CORIN: variants seen among roughly 807,000 people sequenced by gnomAD.
CORIN encodes corin, serine peptidase.
CORIN carries 117 observed loss-of-function variants against 125.3 expected under a neutral mutation model. The ratio of observed to expected loss-of-function variants is 0.93; its 90% CI spans 0.80 to 1.09. The LOEUF is 1.09. Ranked by LOEUF, CORIN falls within the 50% of genes least tolerant of loss-of-function variation. The pLI, the probability that CORIN is intolerant of heterozygous loss-of-function variation, is 0.00. For missense variants in CORIN, 1,253 were observed against 1,306.7 expected (o/e 0.96, Z 0.63); for synonymous variants, 450 against 466.4 (o/e 0.96, Z 0.45).
intron 5 of CORIN, among the ~76,000 whole-genome samples, chr4:47,702,339 A>T (rs115400996): frequency 0.016 from 2,431 of 152,288 alleles, 75 homozygotes; most frequent in African/African-American, 0.055. Context: ...AAAGGAGATA[A>T]ATTTTATTTG....
intron 1 of CORIN, among the ~76,000 whole-genome samples, chr4:47,833,457 A>G (rs1408326087): frequency 2.6e-5 from 4 of 151,990 alleles, no homozygotes; most frequent in Non-Finnish European, 4.4e-5. Flanking sequence ...GAAAGAAAAC[A>G]TAAAGGAAAA....
At chr4:47,674,099 G>A (rs144982923) in intron 10 of CORIN, among the ~76,000 whole-genome samples, 1 of 152,330 alleles carries the variant, frequency 6.6e-6, no homozygotes, top group East Asian at 1.9e-4. Flanking sequence ...TCTGCCTACA[G>A]ATGGAGCCAA....
rs183910895 is a variant in CORIN at position 47,821,401 on chromosome 4, A to T, written c.64-14354T>A. On this transcript the variant is annotated intron_variant, in intron 1 of 21. Coordinates refer to ENST00000273857, the MANE Select transcript of CORIN (RefSeq NM_006587.4). The stretch of plus-strand genomic sequence containing the variant: ...ATATATATATAATATTAGAATTATT[A>T]TTTCAGTCATAATCAAATAATTTAC... Among the ~76,000 whole-genome samples the T allele has an allele frequency of 6.0e-3, 903 of 150,978 alleles. 7 individuals carry two copies. Among genetic ancestry groups the T allele is most frequent in the African/African-American group, 0.02 (824 of 41,370 alleles).
At chr4:47,630,153 C>T (rs894742802) in intron 16 of CORIN, among the ~76,000 whole-genome samples, 2 of 152,094 alleles carry the variant, frequency 1.3e-5, no homozygotes, top group East Asian at 1.9e-4. Flanking sequence ...CATTCACCTT[C>T]GCCTACATGC....
At chr4:47,759,530 C>T (rs1416577857) in intron 4 of CORIN, among the ~76,000 whole-genome samples, 1 of 152,052 alleles carries the variant, frequency 6.6e-6, no homozygotes, top group African/African-American at 2.4e-5. Context: ...AAACAAATCA[C>T]CTGATGACAA....
intron 3 of CORIN, among the ~76,000 whole-genome samples, chr4:47,767,093 G>A (rs1729792056): frequency 6.6e-6 from 1 of 152,246 alleles, no homozygotes; most frequent in South Asian, 2.1e-4. Flanking sequence ...ATGGAGAGGG[G>A]CTTCCATCAG....
intron 1 of CORIN, among the ~76,000 whole-genome samples, chr4:47,825,342 T>C (rs1270934389): frequency 6.6e-6 from 1 of 152,154 alleles, no homozygotes; most frequent in Non-Finnish European, 1.5e-5. Flanking sequence ...CTGCCGGGCT[T>C]TCCCACACCA....
chr4:47,618,448 G>A (rs956287491), intron 19 of CORIN, among the ~76,000 whole-genome samples: 2 of 152,052 alleles, frequency 1.3e-5, no homozygotes, highest in African/African-American at 4.8e-5. Context: ...AATCTAGGGA[G>A]GAAGAAGTCT....
chr4:47,791,961 T>G (rs1418847398), intron 2 of CORIN, among the ~76,000 whole-genome samples: 1 of 152,072 alleles, frequency 6.6e-6, no homozygotes, highest in Non-Finnish European at 1.5e-5. Context: ...ATGGTACAAG[T>G]GCTTTGAGAA....
intron 5 of CORIN, among the ~76,000 whole-genome samples, chr4:47,708,760 G>A (rs764424784): frequency 1.1e-4 from 17 of 152,082 alleles, no homozygotes; most frequent in Non-Finnish European, 1.9e-4. Context: ...TTCTCTAGTC[G>A]AAATCTTTGG....
chr4:47,627,840 A>C (rs1204223562), intron 16 of CORIN, among the ~76,000 whole-genome samples: 1 of 152,176 alleles, frequency 6.6e-6, no homozygotes, highest in Admixed American at 6.5e-5. Flanking sequence ...GTCATTCTTA[A>C]ATCAGGTATT....
intron 21 of CORIN, among the ~76,000 whole-genome samples, chr4:47,598,640 T>C (rs970897287): frequency 2.6e-5 from 4 of 152,212 alleles, no homozygotes; most frequent in Non-Finnish European, 5.9e-5. Context: ...AATGTAGTTA[T>C]ATTAATCATT....
intron 10 of CORIN, among the ~76,000 whole-genome samples, chr4:47,666,644 G>T (rs748391212): frequency 6.6e-5 from 10 of 152,070 alleles, no homozygotes; most frequent in Non-Finnish European, 1.2e-4. Flanking sequence ...AGATGAGGGT[G>T]GCATTTATAT....
intron 10 of CORIN, among the ~76,000 whole-genome samples, chr4:47,668,702 T>C (rs1423986007): frequency 6.6e-6 from 1 of 152,226 alleles, no homozygotes; most frequent in Non-Finnish European, 1.5e-5. Flanking sequence ...ACAGAACATA[T>C]CGCATGAATA....
intron 3 of CORIN, among the ~76,000 whole-genome samples, chr4:47,779,087 GA>G (rs1287009264): frequency 6.6e-6 from 1 of 152,102 alleles, no homozygotes; most frequent in African/African-American, 2.4e-5. Context: ...AACAACTATA[GA>G]AAAAATTAGA....
chr4:47,651,329 T>C (rs762774862), intron 13 of CORIN, among the ~76,000 whole-genome samples: 1 of 152,256 alleles, frequency 6.6e-6, no homozygotes, highest in African/African-American at 2.4e-5. Flanking sequence ...AACCCAGCTT[T>C]GCTGGAGCTG....
intron 1 of CORIN, among the ~76,000 whole-genome samples, chr4:47,813,267 A>G (rs972947585): frequency 3.3e-5 from 5 of 152,240 alleles, no homozygotes; most frequent in African/African-American, 9.6e-5. Context: ...ATATCCAGCA[A>G]AGTCCCTTGA....
chr4:47,836,587 C>G (rs947669571), intron 1 of CORIN, among the ~76,000 whole-genome samples: 1 of 152,180 alleles, frequency 6.6e-6, no homozygotes, highest in African/African-American at 2.4e-5. Flanking sequence ...GTACAGGAGT[C>G]CGTCTTCGCA....
intron 3 of CORIN, 141 bp from the exon 4 acceptor site, chr4:47,763,727 G>T (rs951997886): frequency 3.6e-5 from 23 of 642,078 alleles, no homozygotes; most frequent in Non-Finnish European, 1.1e-5. Context: ...ATAGGTGCAT[G>T]TAAGTATGTG....
Sources: allele counts gnomAD v4.1 joint callset (sites outside exome capture counted in the v4.1 genomes callset), GRCh38; gene constraint gnomAD v4.1.1; transcripts MANE v1.5; gene names NCBI Gene and HGNC (gene_info 2026-07-23, HGNC 2026-07-21).